CLRN1: variants seen among roughly 807,000 people sequenced by gnomAD.
CLRN1 encodes clarin 1.
A neutral mutation model predicts 18.7 loss-of-function variants in CLRN1; 15 were observed. The observed-to-expected ratio is 0.80, with a 90% CI of 0.54 to 1.23. The LOEUF is 1.23. Among genes scored for constraint, CLRN1 ranks in the 50% most tolerant of loss-of-function variants. CLRN1 has a pLI of 0.00. For missense variants in CLRN1, 311 were observed against 277.5 expected (o/e 1.12, Z -0.86); for synonymous variants, 104 against 102.9 (o/e 1.01, Z -0.07).
At chr3:150,933,654 C>T (rs1713290983) in intron 2 of CLRN1, among the ~76,000 whole-genome samples, 1 of 152,106 alleles carries the variant, frequency 6.6e-6, no homozygotes, top group Admixed American at 6.5e-5. Context: ...GTAAATGAAA[C>T]AGAAGAGAAG....
chr3:150,937,579 A>G (rs983872435), intron 2 of CLRN1, among the ~76,000 whole-genome samples: 3 of 150,612 alleles, frequency 2.0e-5, no homozygotes, highest in African/African-American at 7.3e-5. Flanking sequence ...GCCCAAAATG[A>G]ACTATGGGGG....
chr3:150,927,889 A>G lies in CLRN1; in HGVS notation c.*47T>C, dbSNP rs1328887299. 6.2e-7 allele frequency: 1 copy of G among 1,611,164 alleles called. No homozygotes were observed. Among genetic ancestry groups the G allele is most frequent in the Non-Finnish European group, 8.5e-7 (1 of 1,178,064 alleles). On this transcript the variant is annotated 3_prime_UTR_variant, in exon 3 of 3. Coordinates refer to ENST00000327047, the MANE Select transcript of CLRN1 (RefSeq NM_174878.3). ...GCAAAATTAACCACATCTAAAAGTG[A>G]CCAAAGCAAGTCTACTCCCTTGTAA...
At position 150,927,820 on chromosome 3, in the gene CLRN1, A is replaced by T; in HGVS notation, c.*116T>A. ...TAGTACGTAATTTGTAAACATTGTC[A>T]CGAAGGGTCCTGATGCTTTAATATA... On this transcript the variant is annotated 3_prime_UTR_variant, in exon 3 of 3. Coordinates refer to ENST00000327047, the MANE Select transcript of CLRN1 (RefSeq NM_174878.3). 1 of 1,254,198 alleles carries T rather than the reference A, an allele frequency of 8.0e-7. No homozygotes were observed. The highest frequency in any genetic ancestry group is 1.2e-6 in the Non-Finnish European group (1 of 861,450). 77.7% of individuals were successfully genotyped at this position (1,254,198 alleles called of 1,614,324 possible). A position where few individuals can be genotyped will look rare whatever the true frequency, so the allele number is the denominator to read the frequency against.
chr3:150,942,728 C>T (rs917676165), intron 1 of CLRN1: 1 of 328,722 alleles, frequency 3.0e-6, no homozygotes, highest in African/African-American at 2.2e-5. Flanking sequence ...AATGCTTTTC[C>T]CCCTTTTACG....
rs1712826179 is a variant in CLRN1 at position 150,926,963 on chromosome 3, A to T, written c.*973T>A. On this transcript the variant is annotated 3_prime_UTR_variant, in exon 3 of 3. Coordinates refer to ENST00000327047, the MANE Select transcript of CLRN1 (RefSeq NM_174878.3). ...AGCCAGAACAAGACCAAGATGATAC[A>T]GTGATACCGTCATAATCCCAGATTT... The T allele has an allele frequency of 6.2e-7, 1 of 1,600,970 alleles. No homozygotes were observed. Among genetic ancestry groups the T allele is most frequent in the African/African-American group, 1.3e-5 (1 of 74,740 alleles).
intron 1 of CLRN1, among the ~76,000 whole-genome samples, chr3:150,964,596 A>G (rs148048810): frequency 6.6e-6 from 1 of 152,336 alleles, no homozygotes; most frequent in East Asian, 1.9e-4. Context: ...CTATAAAGAC[A>G]TATGCCCACA....
chr3:150,963,698 T>C (rs1169033147), intron 1 of CLRN1, among the ~76,000 whole-genome samples: 2 of 152,190 alleles, frequency 1.3e-5, no homozygotes, highest in African/African-American at 4.8e-5. Context: ...AACAGCATGG[T>C]ACTTGTATCA....
chr3:150,926,847 C>T lies in CLRN1; in HGVS notation c.*1089G>A, dbSNP rs1712819042. ...TTGAGGATGAAGGAAGGGTCAGTTC[C>T]AGGCTCAGCTGTGGCCTTTAGTCAG... On this transcript the variant is annotated 3_prime_UTR_variant, in exon 3 of 3. Transcript: ENST00000327047. 1.2e-6 allele frequency: 2 copies of T among 1,613,924 alleles called. No individual in the cohort carries two copies. The highest frequency in any genetic ancestry group is 1.7e-6 in the Non-Finnish European group (2 of 1,180,016).
chr3:150,944,009 T>C lies in CLRN1; in HGVS notation c.254-2248A>G, dbSNP rs552400389. 1.4e-4 allele frequency: 145 copies of C among 1,068,436 alleles called. 3 individuals carry two copies. In the South Asian group the frequency reaches 2.0e-3, roughly 14 times the overall value. The allele number at this position is 1,068,436 out of a possible 1,614,324, so 66.2% of individuals were successfully genotyped here. A position where few individuals can be genotyped will look rare whatever the true frequency, so the allele number is the denominator to read the frequency against. ...AAAATAGCCTGCATCAACAACAAGA[T>C]AGTTTCAGATAGTGATACATATGAT... On this transcript the variant is annotated intron_variant, in intron 1 of 2. Coordinates refer to ENST00000327047, the MANE Select transcript of CLRN1 (RefSeq NM_174878.3).
At chr3:150,969,148 T>G (rs1171307305) in intron 1 of CLRN1, among the ~76,000 whole-genome samples, 13 of 151,378 alleles carry the variant, frequency 8.6e-5, no homozygotes, top group African/African-American at 2.9e-4. Context: ...CAATAAATTT[T>G]TAATTATATG....
chr3:150,946,557 C>CT (rs35932727), intron 1 of CLRN1, among the ~76,000 whole-genome samples: 15 of 150,848 alleles, frequency 9.9e-5, no homozygotes, highest in South Asian at 8.4e-4. Flanking sequence ...TACAAAAATA[C>CT]TTTTTTTTTA....
rs766087778 is a variant in CLRN1, at chr3:150,969,292, AATATAT to A, written c.253+3158_253+3163del. Among the ~76,000 whole-genome samples the A allele has an allele frequency of 2.8e-4, 17 of 61,408 alleles. 1 individual carries two copies. Among genetic ancestry groups the A allele is most frequent in the African/African-American group, 7.7e-4 (10 of 13,062 alleles). The allele number at this position is 61,408 out of a possible 152,430, so 40.3% of individuals were successfully genotyped here. ...AGTACATATGTGGCTTGTGGCTTGT[AATATAT>A]ATATATATATATATATTTTTTTTTT... On this transcript the variant is annotated intron_variant, in intron 1 of 2. Transcript: ENST00000327047.
intron 1 of CLRN1, chr3:150,944,078 T>A (rs746141256): frequency 1.6e-6 from 1 of 643,600 alleles, no homozygotes; most frequent in Non-Finnish European, 2.7e-6. Context: ...GATCTCTGAG[T>A]GGATGGGCAT....
chr3:150,949,460 C>T (rs975812750), intron 1 of CLRN1, among the ~76,000 whole-genome samples: 13 of 152,110 alleles, frequency 8.5e-5, no homozygotes, highest in African/African-American at 2.9e-4. Flanking sequence ...TAAAAAACCC[C>T]CTAGTCTCAG....
chr3:150,931,963 TG>T (rs971181057), intron 2 of CLRN1, among the ~76,000 whole-genome samples: 1 of 152,252 alleles, frequency 6.6e-6, no homozygotes, highest in Non-Finnish European at 1.5e-5. Flanking sequence ...GCCCAGGTTT[TG>T]CTGCCCAGTG....
chr3:150,940,479 A>G, intron 2 of CLRN1: 1 of 1,534,916 alleles, frequency 6.5e-7, no homozygotes, highest in Non-Finnish European at 8.7e-7. Flanking sequence ...GCAAGAAAGT[A>G]CCTTGAGCCT....
chr3:150,958,751 T>C (rs1463582291), intron 1 of CLRN1, among the ~76,000 whole-genome samples: 1 of 152,258 alleles, frequency 6.6e-6, no homozygotes, highest in Non-Finnish European at 1.5e-5. Flanking sequence ...ATAATTGTGA[T>C]AATAATGAGT....
At chr3:150,936,019 G>C (rs1713464080) in intron 2 of CLRN1, among the ~76,000 whole-genome samples, 1 of 151,688 alleles carries the variant, frequency 6.6e-6, no homozygotes, top group Admixed American at 6.6e-5. Context: ...AAATTTGTTT[G>C]AGTTCACTGT....
At chr3:150,969,315 T>TATATATA (rs1576649119) in intron 1 of CLRN1, among the ~76,000 whole-genome samples, 1 of 34,536 alleles carries the variant, frequency 2.9e-5, no homozygotes, top group Non-Finnish European at 4.8e-5. Flanking sequence ...ATATATATAT[T>TATATATA]TTTTTTTTTT....
Sources: allele counts gnomAD v4.1 joint callset (sites outside exome capture counted in the v4.1 genomes callset), GRCh38; gene constraint gnomAD v4.1.1; transcripts MANE v1.5; gene names NCBI Gene and HGNC (gene_info 2026-07-23, HGNC 2026-07-21).